Variants in ASTN1 observed in about 807,000 individuals in gnomAD.
ASTN1 encodes the protein astrotactin-1.
Under a neutral mutation model 140.7 loss-of-function variants are expected in ASTN1, and 41 were observed. That is an observed-to-expected ratio of 0.29 (90% CI 0.23 to 0.38). The LOEUF (loss-of-function observed/expected upper bound fraction) is 0.38, where lower values mean the gene tolerates loss of function less well. Ranked by LOEUF, ASTN1 falls within the 10% of genes least tolerant of loss-of-function variation. The pLI is 1.00. For synonymous variants in ASTN1, 640 were observed against 652.2 expected (o/e 0.98, Z 0.29); for missense variants, 1,479 against 1,678.8 (o/e 0.88, Z 2.08).
At chr1:177,062,388 A>C (rs1182633985) in intron 1 of ASTN1, among the ~76,000 whole-genome samples, 4 of 151,748 alleles carry the variant, frequency 2.6e-5, no homozygotes, top group Non-Finnish European at 5.9e-5. Context: ...CCACAGACAC[A>C]CCACACCATG....
At chr1:176,914,574 T>C (rs562869468) in intron 16 of ASTN1, among the ~76,000 whole-genome samples, 8 of 152,310 alleles carry the variant, frequency 5.3e-5, no homozygotes, top group African/African-American at 7.2e-5. Context: ...AGTCCAGGAA[T>C]TTTGAGCCTG....
At chr1:176,873,627 T>C (rs568283333) in intron 21 of ASTN1, among the ~76,000 whole-genome samples, 10 of 152,282 alleles carry the variant, frequency 6.6e-5, no homozygotes, top group Middle Eastern at 3.4e-3. Flanking sequence ...ACAAAGCATA[T>C]GGTATTTTGG....
At chr1:177,058,564 T>A (rs1677921449) in intron 2 of ASTN1, among the ~76,000 whole-genome samples, 1 of 152,186 alleles carries the variant, frequency 6.6e-6, no homozygotes. Flanking sequence ...GTCCACTAAT[T>A]CTTGCTCAGG....
In ASTN1 at chr1:177,036,938, A is replaced by G. The variant is rs1202542106; in HGVS notation, c.472-4089T>C. On this transcript the variant is annotated intron_variant, in intron 2 of 22. Coordinates refer to ENST00000361833, the MANE Select transcript of ASTN1 (RefSeq NM_004319.3). Reference sequence around the variant, plus strand: ...ATGTTCAAGTGATTCTCTCACCTCAACCTCCCAAGTAGCTGGGATTACAGG... The same window carrying G: ...ATGTTCAAGTGATTCTCTCACCTCAGCCTCCCAAGTAGCTGGGATTACAGG... 2.6e-5 allele frequency among the ~76,000 whole-genome samples: 4 copies of G among 151,566 alleles called. No individual in the cohort carries two copies. The East Asian group carries it at 5.8e-4, about 22-fold the overall frequency.
chr1:176,874,861 A>T (rs2103018144), intron 21 of ASTN1, among the ~76,000 whole-genome samples: 1 of 152,180 alleles, frequency 6.6e-6, no homozygotes, highest in East Asian at 1.9e-4. Flanking sequence ...GTTGAAGATC[A>T]AGCAGTTAGA....
intron 21 of ASTN1, among the ~76,000 whole-genome samples, chr1:176,876,325 CTG>C (rs1254691816): frequency 6.6e-6 from 1 of 152,106 alleles, no homozygotes; most frequent in Non-Finnish European, 1.5e-5. Context: ...GACTTAATGA[CTG>C]TGTGGAGTAA....
In ASTN1 at chr1:176,883,005, G is replaced by C. The variant is rs543398085; in HGVS notation, c.3227-11C>G. 8.7e-6 allele frequency: 14 copies of C among 1,613,872 alleles called. No homozygotes were observed. Among genetic ancestry groups the C allele is most frequent in the Middle Eastern group, 1.7e-4 (1 of 6,060 alleles). On this transcript the variant is annotated splice_polypyrimidine_tract_variant and intron_variant, in intron 19 of 22. Coordinates refer to ENST00000361833, the MANE Select transcript of ASTN1 (RefSeq NM_004319.3). ...AGCTCAGCACTGTTTCTGCCCAGAG[G>C]AGAAGGAATGGAAAAAGCATGAGAA...
rs555061333 is a variant in ASTN1 at position 177,013,263 on chromosome 1, G to A, written c.1523+1528C>T. Among the ~76,000 whole-genome samples the A allele has an allele frequency of 4.0e-4, 61 of 152,184 alleles. 1 individual carries two copies. The highest frequency in any genetic ancestry group is 1.3e-3 in the African/African-American group (56 of 41,532). On this transcript the variant is annotated intron_variant, in intron 8 of 22. Coordinates refer to ENST00000361833, the MANE Select transcript of ASTN1 (RefSeq NM_004319.3). ...TTCACGAACAGAAAAATTTCATGGC[G>A]TTTTGACTTCCCCAAGTTTTCTGAC...
At chr1:176,959,219 T>C (rs912205049) in intron 9 of ASTN1, among the ~76,000 whole-genome samples, 2 of 152,210 alleles carry the variant, frequency 1.3e-5, no homozygotes, top group Non-Finnish European at 2.9e-5. Context: ...TCATTTCATT[T>C]CAAAGGCATT....
intron 16 of ASTN1, among the ~76,000 whole-genome samples, chr1:176,897,917 C>G (rs949252634): frequency 3.3e-5 from 5 of 152,136 alleles, no homozygotes; most frequent in Non-Finnish European, 5.9e-5. Context: ...CTCCCCACGC[C>G]CCCTCCTCTC....
At chr1:177,017,186 A>T (rs537050489) in intron 7 of ASTN1, among the ~76,000 whole-genome samples, 1 of 152,334 alleles carries the variant, frequency 6.6e-6, no homozygotes, top group South Asian at 2.1e-4. Flanking sequence ...TTATCTCCTT[A>T]TGAGGCTTCC....
intron 1 of ASTN1, among the ~76,000 whole-genome samples, chr1:177,072,706 A>C (rs1291770774): frequency 6.6e-6 from 1 of 152,198 alleles, no homozygotes; most frequent in Non-Finnish European, 1.5e-5. Context: ...ATACACTTTA[A>C]GGGGCTGGTA....
chr1:176,925,573 C>T (rs2103079427), intron 16 of ASTN1, among the ~76,000 whole-genome samples: 1 of 152,192 alleles, frequency 6.6e-6, no homozygotes, highest in South Asian at 2.1e-4. Flanking sequence ...CAAAATAAAT[C>T]CCACAACACT....
rs1019967243 is a variant in ASTN1, at chr1:176,885,861, T to A, written c.3075-1371A>T. On this transcript the variant is annotated intron_variant, in intron 18 of 22. Coordinates refer to ENST00000361833, the MANE Select transcript of ASTN1 (RefSeq NM_004319.3). The stretch of plus-strand genomic sequence containing the variant: ...TAAGAGTTTCAAAAATAAATTATAG[T>A]AGACTGTGGACACAAAAGTAAGGAA... Among the ~76,000 whole-genome samples the A allele has an allele frequency of 4.6e-4, 70 of 152,082 alleles. 3 individuals carry two copies.
chr1:176,959,961 A>C (rs1672586750), intron 9 of ASTN1, among the ~76,000 whole-genome samples: 1 of 152,146 alleles, frequency 6.6e-6, no homozygotes, highest in South Asian at 2.1e-4. Flanking sequence ...GGGACAATAG[A>C]AGATCATCAC....
chr1:176,917,369 G>C (rs2103068466), intron 16 of ASTN1, among the ~76,000 whole-genome samples: 1 of 152,272 alleles, frequency 6.6e-6, no homozygotes, highest in Middle Eastern at 3.4e-3. Flanking sequence ...GCAGAGTAAG[G>C]ATTTTCTTTC....
chr1:177,035,109 G>T (rs550280710), intron 2 of ASTN1, among the ~76,000 whole-genome samples: 1 of 152,160 alleles, frequency 6.6e-6, no homozygotes, highest in Non-Finnish European at 1.5e-5. Flanking sequence ...TTGTTCAAAA[G>T]GTTCCTCACT....
At chr1:176,864,596 G>A in intron 22 of ASTN1, 75 bp from the exon 23 acceptor site, 2 of 1,559,118 alleles carry the variant, frequency 1.3e-6, no homozygotes, top group Non-Finnish European at 1.7e-6. Context: ...CTGTTAGTGT[G>A]AGACTCTAAA....
At chr1:176,971,632 T>C (rs898141888) in intron 8 of ASTN1, among the ~76,000 whole-genome samples, 1 of 152,168 alleles carries the variant, frequency 6.6e-6, no homozygotes, top group Non-Finnish European at 1.5e-5. Context: ...AGGTTATATT[T>C]CCTTGTTATA....
Sources: allele counts gnomAD v4.1 joint callset (sites outside exome capture counted in the v4.1 genomes callset), GRCh38; gene constraint gnomAD v4.1.1; transcripts MANE v1.5; gene names NCBI Gene and HGNC (gene_info 2026-07-23, HGNC 2026-07-21).